WDR25: variants seen among roughly 807,000 people sequenced by gnomAD.
WDR25 encodes WD repeat domain 25.
In WDR25, 35 loss-of-function variants were observed where a neutral mutation model predicts 47.7. That is an observed-to-expected ratio of 0.73 (90% CI 0.56 to 0.97). WDR25 has a LOEUF of 0.97. Ranked by LOEUF, WDR25 falls within the 50% of genes least tolerant of loss-of-function variation. The probability of loss-of-function intolerance (pLI) is 0.00; values close to 1 mark genes in which losing one functional copy is unlikely to be tolerated. For synonymous variants in WDR25, 248 were observed against 278.9 expected (o/e 0.89, Z 1.10); for missense variants, 634 against 704.7 (o/e 0.90, Z 1.14).
intron 2 of WDR25, among the ~76,000 whole-genome samples, chr14:100,411,304 AGAGGGTCTCATGCT>A (rs1313676160): frequency 6.6e-6 from 1 of 152,180 alleles, no homozygotes; most frequent in Non-Finnish European, 1.5e-5. Flanking sequence ...AAAATAGTAC[AGAGGGTCTCATGCT>A]CTTGGGTCAC....
At chr14:100,497,929 G>T (rs2140342536) in intron 4 of WDR25, among the ~76,000 whole-genome samples, 1 of 152,292 alleles carries the variant, frequency 6.6e-6, no homozygotes, top group Middle Eastern at 3.4e-3. Context: ...AGACATGATG[G>T]TCTTTTCCAA....
At chr14:100,437,951 G>A (rs968258841) in intron 2 of WDR25, among the ~76,000 whole-genome samples, 6 of 152,098 alleles carry the variant, frequency 3.9e-5, no homozygotes, top group Admixed American at 1.3e-4. Flanking sequence ...CATTGTTTTC[G>A]CAAAAGAAAG....
intron 2 of WDR25, among the ~76,000 whole-genome samples, chr14:100,446,971 T>C (rs1247500539): frequency 6.6e-6 from 1 of 152,244 alleles, no homozygotes; most frequent in Admixed American, 6.5e-5. Context: ...TATTATCCCA[T>C]CACATGATTC....
intron 2 of WDR25, among the ~76,000 whole-genome samples, chr14:100,432,954 G>A (rs940824605): frequency 1.3e-5 from 2 of 152,176 alleles, no homozygotes; most frequent in African/African-American, 4.8e-5. Context: ...AATACTGTAG[G>A]CAATTGGAAC....
chr14:100,397,203 A>G (rs1897278920), intron 2 of WDR25, among the ~76,000 whole-genome samples: 1 of 152,236 alleles, frequency 6.6e-6, no homozygotes, highest in Admixed American at 6.5e-5. Context: ...GTTGTCAAGG[A>G]AACCAAAACC....
intron 2 of WDR25, among the ~76,000 whole-genome samples, chr14:100,448,208 A>AG (rs909525929): frequency 6.6e-6 from 1 of 151,964 alleles, no homozygotes; most frequent in African/African-American, 2.4e-5. Context: ...AAAAAAAAAA[A>AG]AAAAGAAGAT....
chr14:100,377,803 C>G (rs894610432), intron 1 of WDR25, among the ~76,000 whole-genome samples: 1 of 152,046 alleles, frequency 6.6e-6, no homozygotes, highest in African/African-American at 2.4e-5. Context: ...GTGGTTGATT[C>G]CAGGGGACAT....
chr14:100,462,914 G>A (rs1249581435), intron 2 of WDR25, among the ~76,000 whole-genome samples: 1 of 11,330 alleles, frequency 8.8e-5, no homozygotes, highest in East Asian at 2.8e-3. Flanking sequence ...CCTCTCCCCC[G>A]CTCCTTCCTT....
intron 3 of WDR25, among the ~76,000 whole-genome samples, chr14:100,482,804 C>T (rs1900249748): frequency 6.6e-6 from 1 of 152,196 alleles, no homozygotes; most frequent in Admixed American, 6.5e-5. Flanking sequence ...ACCTCGGTGT[C>T]TTCATGGTCT....
chr14:100,406,224 C>T (rs1205003594), intron 2 of WDR25, among the ~76,000 whole-genome samples: 2 of 152,132 alleles, frequency 1.3e-5, no homozygotes, highest in Non-Finnish European at 1.5e-5. Flanking sequence ...CAGTCGGCTT[C>T]GGAGGCCCGT....
chr14:100,519,615 C>T (rs553165710), intron 4 of WDR25, among the ~76,000 whole-genome samples: 40 of 148,694 alleles, frequency 2.7e-4, no homozygotes, highest in African/African-American at 9.4e-4. Flanking sequence ...AAGACTATCT[C>T]TATATCTATA....
chr14:100,490,804 G>T (rs1224204658), intron 4 of WDR25, among the ~76,000 whole-genome samples: 1 of 152,224 alleles, frequency 6.6e-6, no homozygotes, highest in Admixed American at 6.5e-5. Flanking sequence ...CATCAGTTTT[G>T]TGGCATTGTA....
intron 4 of WDR25, among the ~76,000 whole-genome samples, chr14:100,513,967 G>A (rs948827779): frequency 2.7e-5 from 4 of 147,198 alleles, no homozygotes; most frequent in Non-Finnish European, 5.9e-5. Context: ...ACAGAGTCTC[G>A]CTCTGTGGCC....
chr14:100,380,291 G>A (rs1276924149), intron 1 of WDR25, among the ~76,000 whole-genome samples: 8 of 149,794 alleles, frequency 5.3e-5, no homozygotes, highest in African/African-American at 7.4e-5. Flanking sequence ...CAAGTGATCC[G>A]CCCACCTCAG....
At chr14:100,403,937 G>A (rs776503547) in intron 2 of WDR25, among the ~76,000 whole-genome samples, 22 of 152,220 alleles carry the variant, frequency 1.4e-4, no homozygotes, top group Non-Finnish European at 2.8e-4. Flanking sequence ...GCCAAACAGA[G>A]CATTAAGTTA....
intron 4 of WDR25, among the ~76,000 whole-genome samples, chr14:100,493,992 C>T (rs1425622766): frequency 1.3e-5 from 2 of 152,240 alleles, no homozygotes; most frequent in African/African-American, 4.8e-5. Context: ...TTGAGATATC[C>T]TCAAGCTCAA....
chr14:100,435,858 G>T (rs912915369), intron 2 of WDR25, among the ~76,000 whole-genome samples: 1 of 152,134 alleles, frequency 6.6e-6, no homozygotes, highest in African/African-American at 2.4e-5. Flanking sequence ...AGTGAGGTTT[G>T]GGGGTTAGAT....
At chr14:100,434,016 G>A (rs529844511) in intron 2 of WDR25, among the ~76,000 whole-genome samples, 9 of 151,900 alleles carry the variant, frequency 5.9e-5, no homozygotes, top group Admixed American at 2.6e-4. Flanking sequence ...ACGTGAGGCC[G>A]GGAGTTTGAG....
Position 100,381,379 on chromosome 14 carries a change from G to A in WDR25, c.455G>A (p.Ser152Asn), listed in dbSNP as rs368905264. ...CCCAAGTCATCTTTCCATGCTCAAA[G>A]TGAGTCTGAAACCGTAGGTAAAAAT... is the stretch of plus-strand genomic sequence containing the variant. ...NFPKSSFHAQSESETVGKNGS... is the reference protein window; with the variant it reads ...NFPKSSFHAQNESETVGKNGS... Residue 152 changes from serine to asparagine, a missense_variant, in exon 2 of 7, where the codon AGT becomes AAT. Physicochemically the swap from Ser to Asn is conservative, Grantham distance 46. Coordinates refer to ENST00000402312, the MANE Select transcript of WDR25 (RefSeq NM_001161476.3). 8.1e-6 allele frequency: 13 copies of A among 1,614,120 alleles called. No individual in the cohort carries two copies. The African/African-American group carries it at 1.7e-4, about 22-fold the overall frequency.
Sources: gnomAD v4.1 joint callset for allele counts (sites outside exome capture counted in the v4.1 genomes callset) on GRCh38, gnomAD v4.1.1 for gene constraint, MANE v1.5 for transcripts, NCBI Gene and HGNC (gene_info 2026-07-23, HGNC 2026-07-21) for gene names.